The following CACNA2D3 variants were observed in gnomAD, a reference collection of about 807,000 sequenced individuals.
CACNA2D3 encodes voltage-dependent calcium channel subunit alpha-2/delta-3.
Under a neutral mutation model 160.6 loss-of-function variants are expected in CACNA2D3, and 60 were observed. That is an observed-to-expected ratio of 0.37 (90% CI 0.30 to 0.46). The LOEUF is 0.46. CACNA2D3 is among the 20% of genes least tolerant of loss of function. The probability of loss-of-function intolerance (pLI) is 1.00; values close to 1 mark genes in which losing one functional copy is unlikely to be tolerated. For synonymous variants in CACNA2D3, 558 were observed against 492.9 expected, an observed-to-expected ratio of 1.13 and a Z score of -1.75; for missense variants, 1,205 against 1,365.0, an observed-to-expected ratio of 0.88 and a Z score of 1.85.
At chr3:54,626,471 C>T in intron 9 of CACNA2D3, 1 of 1,604,596 alleles carries the variant, frequency 6.2e-7, no homozygotes, top group Non-Finnish European at 8.5e-7. Flanking sequence ...ATCATCCTGC[C>T]CGAGATGGTG....
At chr3:54,923,545 T>C (rs1372209668) in intron 27 of CACNA2D3, among the ~76,000 whole-genome samples, 1 of 152,200 alleles carries the variant, frequency 6.6e-6, no homozygotes, top group Non-Finnish European at 1.5e-5. Context: ...ATTCTAAACA[T>C]GTATCTTTAT....
intron 34 of CACNA2D3, among the ~76,000 whole-genome samples, chr3:55,017,995 G>A (rs897021796): frequency 1.3e-5 from 2 of 152,186 alleles, no homozygotes; most frequent in African/African-American, 2.4e-5. Context: ...AGCTGATCCA[G>A]CCAACACAAC....
At chr3:54,957,274 G>A (rs894525990) in intron 27 of CACNA2D3, among the ~76,000 whole-genome samples, 6 of 151,838 alleles carry the variant, frequency 4.0e-5, no homozygotes, top group Admixed American at 2.6e-4. Flanking sequence ...ATCTTCCTAC[G>A]GAACTTAGAC....
intron 2 of CACNA2D3, among the ~76,000 whole-genome samples, chr3:54,160,029 G>C (rs1475071231): frequency 2.0e-5 from 3 of 152,206 alleles, no homozygotes; most frequent in Admixed American, 2.0e-4. Flanking sequence ...TTTTGGCTGA[G>C]TGCTTGTTGA....
intron 4 of CACNA2D3, among the ~76,000 whole-genome samples, chr3:54,409,189 C>T (rs1438904459): frequency 6.6e-6 from 1 of 152,166 alleles, no homozygotes; most frequent in East Asian, 1.9e-4. Flanking sequence ...AGCACATGCT[C>T]ACGTCATGTC....
rs1698374546 is a variant in CACNA2D3, at chr3:54,342,426, G to A, written c.321+21868G>A. ...GGCATAAAATTGCGTTGAAATGGTG[G>A]AGATTGATGTTGTTGTATGTGCATG... On this transcript the variant is annotated intron_variant, in intron 3 of 37. Transcript: ENST00000474759. 2.0e-5 allele frequency among the ~76,000 whole-genome samples: 3 copies of A among 152,172 alleles called. No homozygotes were observed. In the South Asian group the frequency reaches 6.2e-4, roughly 32 times the overall value.
At chr3:54,586,908 A>G (rs1489021465) in intron 9 of CACNA2D3, among the ~76,000 whole-genome samples, 7 of 152,148 alleles carry the variant, frequency 4.6e-5, no homozygotes, top group Admixed American at 1.3e-4. Flanking sequence ...ACAGTATACT[A>G]TTAAAAAAAT....
At chr3:54,453,723 G>T (rs1340003555) in intron 4 of CACNA2D3, among the ~76,000 whole-genome samples, 2 of 152,124 alleles carry the variant, frequency 1.3e-5, no homozygotes, top group South Asian at 2.1e-4. Flanking sequence ...TAGGTAAGTT[G>T]TGTCCATGTG....
intron 11 of CACNA2D3, among the ~76,000 whole-genome samples, chr3:54,704,775 G>T (rs1700826845): frequency 1.3e-5 from 2 of 152,070 alleles, no homozygotes; most frequent in African/African-American, 4.8e-5. Flanking sequence ...ATGATCTTTT[G>T]AAAGATATGA....
intron 2 of CACNA2D3, among the ~76,000 whole-genome samples, chr3:54,301,787 G>A (rs1703482608): frequency 6.6e-6 from 1 of 152,096 alleles, no homozygotes; most frequent in East Asian, 1.9e-4. Context: ...GGAGGGAGGA[G>A]GAAGAGAGTA....
At chr3:54,540,637 G>A (rs1701957236) in intron 5 of CACNA2D3, among the ~76,000 whole-genome samples, 1 of 152,170 alleles carries the variant, frequency 6.6e-6, no homozygotes, top group African/African-American at 2.4e-5. Context: ...CTAGTTTGCA[G>A]TTGGCTGTTT....
chr3:54,664,696 C>T (rs938107900), intron 11 of CACNA2D3, among the ~76,000 whole-genome samples: 14 of 152,186 alleles, frequency 9.2e-5, no homozygotes, highest in African/African-American at 2.9e-4. Context: ...AAGGCCATTT[C>T]GTGGGCCTAA....
At chr3:55,009,247 A>T (rs187777843) in intron 33 of CACNA2D3, 141 bp from the exon 34 acceptor site, 1 of 706,186 alleles carries the variant, frequency 1.4e-6, no homozygotes, top group Admixed American at 2.3e-5. Flanking sequence ...ATTTAGTAGT[A>T]ACTCAGCCAA....
chr3:54,159,842 C>T (rs544374151), intron 2 of CACNA2D3, among the ~76,000 whole-genome samples: 1 of 152,032 alleles, frequency 6.6e-6, no homozygotes, highest in Non-Finnish European at 1.5e-5. Context: ...AAAAAAGAGA[C>T]AAAATCATGA....
At chr3:54,307,665 G>T (rs1703644642) in intron 2 of CACNA2D3, among the ~76,000 whole-genome samples, 2 of 152,190 alleles carry the variant, frequency 1.3e-5, no homozygotes, top group African/African-American at 4.8e-5. Context: ...TTCAGATGCA[G>T]GTTCCTAACT....
intron 8 of CACNA2D3, among the ~76,000 whole-genome samples, chr3:54,581,057 C>A (rs757954460): frequency 2.0e-5 from 3 of 152,184 alleles, no homozygotes; most frequent in Non-Finnish European, 2.9e-5. Flanking sequence ...GAACATTCAT[C>A]TGCACAGCAA....
At chr3:54,483,431 A>G (rs562648378) in intron 4 of CACNA2D3, among the ~76,000 whole-genome samples, 1 of 152,288 alleles carries the variant, frequency 6.6e-6, no homozygotes, top group African/African-American at 2.4e-5. Context: ...CTCCATTGAC[A>G]AGACAAAATT....
At chr3:54,848,004 A>G (rs910391437) in intron 17 of CACNA2D3, among the ~76,000 whole-genome samples, 1 of 152,228 alleles carries the variant, frequency 6.6e-6, no homozygotes, top group Admixed American at 6.5e-5. Context: ...CATTTAAAGG[A>G]AAAATGAAAT....
At chr3:54,447,384 GACTGGTTCAAGCCTAAGAACCTC>G (rs1280566396) in intron 4 of CACNA2D3, among the ~76,000 whole-genome samples, 1 of 152,208 alleles carries the variant, frequency 6.6e-6, no homozygotes, top group Non-Finnish European at 1.5e-5. Flanking sequence ...GCTATTTCAG[GACTGGTTCAAGCCTAAGAACCTC>G]AAATGTCTGT....
Sources: gnomAD v4.1 joint callset for allele counts (sites outside exome capture counted in the v4.1 genomes callset) on GRCh38, gnomAD v4.1.1 for gene constraint, MANE v1.5 for transcripts, NCBI Gene and HGNC (gene_info 2026-07-23, HGNC 2026-07-21) for gene names.